The following UBE3C variants were observed in gnomAD, a reference collection of about 807,000 sequenced individuals.
UBE3C encodes ubiquitin-protein ligase E3C.
In UBE3C, 42 loss-of-function variants were observed where a neutral mutation model predicts 129.4. That is an observed-to-expected ratio of 0.32 (90% CI 0.25 to 0.42). The LOEUF is 0.42. Among genes scored for constraint, UBE3C ranks in the 10% least tolerant of loss-of-function variants. The pLI is 1.00. For missense variants in UBE3C, 1,049 were observed against 1,319.1 expected (o/e 0.80, Z 3.17); for synonymous variants, 510 against 492.4 (o/e 1.04, Z -0.47).
intron 5 of UBE3C, among the ~76,000 whole-genome samples, chr7:157,178,392 T>A (rs1434308612): frequency 2.0e-5 from 3 of 152,238 alleles, no homozygotes; most frequent in Admixed American, 6.5e-5. Context: ...TTATAATACT[T>A]CTTACAGTGT....
At chr7:157,206,925 G>A (rs1174820502) in intron 11 of UBE3C, among the ~76,000 whole-genome samples, 2 of 152,196 alleles carry the variant, frequency 1.3e-5, no homozygotes, top group Non-Finnish European at 2.9e-5. Flanking sequence ...TTCCAGTTTG[G>A]CTTCAATATT....
intron 13 of UBE3C, among the ~76,000 whole-genome samples, chr7:157,209,877 A>C (rs897864725): frequency 4.6e-5 from 7 of 152,200 alleles, no homozygotes; most frequent in Non-Finnish European, 8.8e-5. Flanking sequence ...TTCATCATTG[A>C]AAGTTTTAAG....
intron 17 of UBE3C, among the ~76,000 whole-genome samples, chr7:157,226,773 C>T (rs889386565): frequency 1.6e-4 from 24 of 151,588 alleles, no homozygotes; most frequent in African/African-American, 5.8e-4. Context: ...TGCCATGGCC[C>T]TCTGATGCCG....
chr7:157,191,672 T>C (rs968927913), intron 10 of UBE3C, among the ~76,000 whole-genome samples: 2 of 152,230 alleles, frequency 1.3e-5, no homozygotes, highest in African/African-American at 4.8e-5. Context: ...GGATGAATGC[T>C]CTTTAGCTCT....
In UBE3C at chr7:157,185,674, A is replaced by C. The variant is rs555953619; in HGVS notation, c.1144-1160A>C. Among the ~76,000 whole-genome samples, 658 of 152,262 alleles carry C rather than the reference A, an allele frequency of 4.3e-3. 2 individuals are homozygous for C. Among genetic ancestry groups the C allele is most frequent in the Non-Finnish European group, 5.6e-3 (378 of 68,012 alleles). ...TTTCCAAGGTCAAAGTTCACCCTTG[A>C]TAAGCTCTTTTGCCTTTAGGTTTCT... On this transcript the variant is annotated intron_variant, in intron 9 of 22. Transcript: ENST00000348165.
chr7:157,188,732 T>C lies in UBE3C; in HGVS notation c.1331+1711T>C, dbSNP rs538990752. ...GAATTTTATTTATGGCTTAAACATA[T>C]TAGGTTCTAGTATTTAGAAAGAGCA... On this transcript the variant is annotated intron_variant, in intron 10 of 22. Transcript: ENST00000348165. 6.6e-5 allele frequency among the ~76,000 whole-genome samples: 10 copies of C among 152,156 alleles called. 1 individual carries two copies. In the South Asian group the frequency reaches 1.9e-3, roughly 28 times the overall value.
chr7:157,262,472 T>G (rs1416603004), intron 22 of UBE3C, among the ~76,000 whole-genome samples: 1 of 124,320 alleles, frequency 8.0e-6, no homozygotes, highest in Non-Finnish European at 1.6e-5. Context: ...CAGGCTGGAG[T>G]ACAATGGCCC....
intron 5 of UBE3C, among the ~76,000 whole-genome samples, chr7:157,178,446 T>G (rs766260170): frequency 3.9e-5 from 6 of 152,220 alleles, no homozygotes; most frequent in Admixed American, 6.5e-5. Flanking sequence ...CACTGTCCAT[T>G]TTTCTTGTCT....
intron 13 of UBE3C, among the ~76,000 whole-genome samples, chr7:157,208,943 A>G (rs3802113): frequency 0.17 from 26,077 of 152,282 alleles, 2,480 homozygotes; most frequent in East Asian, 0.35. Flanking sequence ...GTTTAATACC[A>G]GCGACCTCTC....
In UBE3C at chr7:157,169,149, T is replaced by G. The variant is rs533526379; in HGVS notation, c.195+27T>G. 1.9e-6 allele frequency: 3 copies of G among 1,579,436 alleles called. No homozygotes were observed. In the South Asian group the frequency reaches 3.3e-5, roughly 17 times the overall value. ...TAAGTTTGTTTTAAAATGAGGAGATTAGTAGGGCATGGGAGAGCTTATTTT... is the reference window on the plus strand; with the variant it reads ...TAAGTTTGTTTTAAAATGAGGAGATGAGTAGGGCATGGGAGAGCTTATTTT... On this transcript the variant is annotated intron_variant, in intron 3 of 22. Transcript: ENST00000348165.
chr7:157,169,599 C>T (rs1229560535), intron 3 of UBE3C, among the ~76,000 whole-genome samples: 1 of 152,132 alleles, frequency 6.6e-6, no homozygotes, highest in African/African-American at 2.4e-5. Context: ...TGGTCTGGAA[C>T]TCATGACCTC....
chr7:157,174,940 A>T lies in UBE3C; in HGVS notation c.364A>T (p.Ile122Phe). Reference protein sequence around the residue: ...KRLIWLYQNLIKHSSLFVKQL... With the variant: ...KRLIWLYQNLFKHSSLFVKQL... ...TCAGATATGGCTGTATCAGAACTTA[A>T]TTAAACACAGCTCTCTGTTTGTCAA... Residue 122 changes from isoleucine to phenylalanine, a missense_variant, in exon 5 of 23, where the codon ATT becomes TTT. Physicochemically the swap from Ile to Phe is conservative, Grantham distance 21. Around this residue, in one of 4 missense-constraint regions of UBE3C, gnomAD observed 489 missense variants for 513.8 expected, o/e 0.95. Coordinates refer to ENST00000348165, the MANE Select transcript of UBE3C (RefSeq NM_014671.3). 6.2e-7 allele frequency: 1 copy of T among 1,611,650 alleles called. No homozygotes were observed. The highest frequency in any genetic ancestry group is 8.5e-7 in the Non-Finnish European group (1 of 1,179,082).
intron 21 of UBE3C, among the ~76,000 whole-genome samples, chr7:157,255,158 CAAA>C (rs139867841): frequency 6.6e-6 from 1 of 151,188 alleles, no homozygotes; most frequent in East Asian, 1.9e-4. Flanking sequence ...CGTACATGGG[CAAA>C]AAAAACCAGA....
chr7:157,194,933 A>G (rs1002416063), intron 10 of UBE3C, among the ~76,000 whole-genome samples: 3 of 152,174 alleles, frequency 2.0e-5, no homozygotes, highest in African/African-American at 7.2e-5. Context: ...AGATAAATTG[A>G]GGGAAGAACT....
intron 1 of UBE3C, among the ~76,000 whole-genome samples, chr7:157,142,953 C>T (rs1807497490): frequency 6.6e-6 from 1 of 151,950 alleles, no homozygotes; most frequent in African/African-American, 2.4e-5. Context: ...CACAAACCTC[C>T]ACCTCCCGGG....
chr7:157,231,054 C>T, intron 17 of UBE3C, 26 bp from the exon 18 acceptor site: 1 of 1,610,506 alleles, frequency 6.2e-7, no homozygotes, highest in Non-Finnish European at 8.5e-7. Context: ...ATCTTTCCTC[C>T]TCACCCTCCC....
At chr7:157,255,865 G>T (rs1482550649) in intron 21 of UBE3C, among the ~76,000 whole-genome samples, 7 of 152,106 alleles carry the variant, frequency 4.6e-5, no homozygotes, top group African/African-American at 1.7e-4. Flanking sequence ...TGTTAGCCAT[G>T]GTATTAATAT....
At chr7:157,263,195 C>T (rs540443230) in intron 22 of UBE3C, 1 of 152,664 alleles carries the variant, frequency 6.6e-6, no homozygotes, top group Non-Finnish European at 1.5e-5. Flanking sequence ...TTAGTCTGCC[C>T]ACCGTAGCCG....
intron 1 of UBE3C, among the ~76,000 whole-genome samples, chr7:157,147,102 G>A (rs1001682681): frequency 3.3e-5 from 5 of 152,156 alleles, no homozygotes; most frequent in Non-Finnish European, 5.9e-5. Context: ...GGATTGTGCT[G>A]AATTGGTAGA....
Sources: allele counts gnomAD v4.1 joint callset (sites outside exome capture counted in the v4.1 genomes callset), GRCh38; gene constraint gnomAD v4.1.1; regional missense constraint gnomAD v4.1.1; transcripts MANE v1.5; gene names NCBI Gene and HGNC (gene_info 2026-07-23, HGNC 2026-07-21).